SULF2: variants seen among roughly 807,000 people sequenced by gnomAD.
SULF2 encodes the protein sulfatase 2, also known as extracellular sulfatase Sulf-2.
In SULF2, 52 loss-of-function variants were observed where a neutral mutation model predicts 107.7. That is an observed-to-expected ratio of 0.48 (90% confidence interval 0.39 to 0.61). The LOEUF is 0.61. SULF2 is among the 20% of genes least tolerant of loss of function. The pLI is 0.00. For synonymous variants in SULF2, 460 were observed against 464.3 expected, an observed-to-expected ratio of 0.99 and a Z score of 0.12; for missense variants, 993 against 1,177.3, an observed-to-expected ratio of 0.84 and a Z score of 2.29.
chr20:47,691,908 A>T (rs1014296029), intron 4 of SULF2, among the ~76,000 whole-genome samples: 1 of 152,056 alleles, frequency 6.6e-6, no homozygotes, highest in Non-Finnish European at 1.5e-5. Context: ...TTGGTCATGG[A>T]GCAAAAAATG....
At position 47,695,490 on chromosome 20, in the gene SULF2, T is replaced by C. The variant is rs150081775; in HGVS notation, c.568-5195A>G. On this transcript the variant is annotated intron_variant, in intron 4 of 20. Transcript: ENST00000688720. Reference sequence around the variant, plus strand: ...ACCACCATTCTCCTTTTTGCTGCTATTGTCTGACTAATTTAGATGCCTCAT... The same window carrying C: ...ACCACCATTCTCCTTTTTGCTGCTACTGTCTGACTAATTTAGATGCCTCAT... 5.6e-3 allele frequency among the ~76,000 whole-genome samples: 850 copies of C among 152,326 alleles called. 2 individuals carry two copies. Among genetic ancestry groups the C allele is most frequent in the Non-Finnish European group, 8.7e-3 (593 of 68,028 alleles).
chr20:47,748,701 G>GAA (rs770626495), intron 2 of SULF2, among the ~76,000 whole-genome samples: 1 of 152,110 alleles, frequency 6.6e-6, no homozygotes, highest in Non-Finnish European at 1.5e-5. Flanking sequence ...GGAGATCGGA[G>GAA]AAAGAAGAGA....
rs753997475 is a variant in SULF2, at chr20:47,672,225, C to T, written c.1549G>A (p.Gly517Arg). The T allele has an allele frequency of 6.3e-5, 101 of 1,609,890 alleles. No homozygotes were observed. Among genetic ancestry groups the T allele is most frequent in the East Asian group, 2.5e-4 (11 of 44,794 alleles). ...TTCTTGAAGAGTTTTTTCCGGCGTC[C>T]GGCCAGGCTGAGCTTGTAGTCCCCG... ...DSGDYKLSLA[G>R]RRKKLFKKKY... Residue 517 changes from glycine to arginine, a missense_variant, in exon 11 of 21, where the codon GGA becomes AGA. By Grantham distance (125) the Gly-to-Arg change is moderately radical. Around this residue, in one of 3 missense-constraint regions of SULF2, gnomAD observed 497 missense variants for 544.1 expected, o/e 0.91. Transcript: ENST00000688720.
chr20:47,752,823 C>G (rs1332543562), intron 2 of SULF2, among the ~76,000 whole-genome samples: 1 of 151,706 alleles, frequency 6.6e-6, no homozygotes, highest in Non-Finnish European at 1.5e-5. Flanking sequence ...AACATCAGGC[C>G]AGGTGTGGTG....
chr20:47,658,715 C>T (rs1454168525), intron 20 of SULF2, among the ~76,000 whole-genome samples: 1 of 152,182 alleles, frequency 6.6e-6, no homozygotes, highest in Non-Finnish European at 1.5e-5. Context: ...ATTAAAGCCA[C>T]ACAGGTTTAT....
intron 1 of SULF2, among the ~76,000 whole-genome samples, chr20:47,770,250 G>A (rs2090605456): frequency 6.6e-6 from 1 of 151,730 alleles, no homozygotes; most frequent in Admixed American, 6.6e-5. Context: ...TGGTAGAGAT[G>A]AGGTCTTGCT....
intron 3 of SULF2, among the ~76,000 whole-genome samples, chr20:47,730,332 G>T (rs946278671): frequency 6.6e-6 from 1 of 152,206 alleles, no homozygotes; most frequent in Non-Finnish European, 1.5e-5. Context: ...GCTGGGGCTG[G>T]GAAACAACTT....
chr20:47,663,066 G>A lies in SULF2; in HGVS notation c.2370+4C>T. ...CCCATCCCTCTAGCTCGGGTTGCCT[G>A]TACCTGGTAGGGGTCTGTGTTGAGA... On this transcript the variant is annotated splice_donor_region_variant and intron_variant, in intron 17 of 20. Coordinates refer to ENST00000688720, the MANE Select transcript of SULF2 (RefSeq NM_001387048.1). The A allele has an allele frequency of 6.2e-7, 1 of 1,614,126 alleles. No individual in the cohort carries two copies. The highest frequency in any genetic ancestry group is 8.5e-7 in the Non-Finnish European group (1 of 1,180,000).
chr20:47,770,613 T>C (rs2090612077), intron 1 of SULF2, among the ~76,000 whole-genome samples: 1 of 152,202 alleles, frequency 6.6e-6, no homozygotes, highest in Non-Finnish European at 1.5e-5. Flanking sequence ...TTAAAATCTT[T>C]CTTTTATTCT....
intron 10 of SULF2, among the ~76,000 whole-genome samples, chr20:47,674,387 G>A (rs2087572930): frequency 6.6e-6 from 1 of 152,232 alleles, no homozygotes; most frequent in South Asian, 2.1e-4. Flanking sequence ...TTGAAGCTGT[G>A]AGGCTGTGGG....
At chr20:47,734,650 C>T (rs1319457010) in intron 3 of SULF2, among the ~76,000 whole-genome samples, 1 of 152,168 alleles carries the variant, frequency 6.6e-6, no homozygotes, top group Non-Finnish European at 1.5e-5. Flanking sequence ...TCAGACTAAA[C>T]AGGTGTTTTC....
In SULF2 at chr20:47,785,356, C is replaced by T. The variant is rs1186584010; in HGVS notation, c.-114G>A. 1 of 146,554 alleles carries T rather than the reference C, an allele frequency of 6.8e-6. No homozygotes were observed. The highest frequency in any genetic ancestry group is 1.5e-5 in the Non-Finnish European group (1 of 65,582). 9.1% of individuals were successfully genotyped at this position (146,554 alleles called of 1,614,324 possible). Reference sequence around the variant, plus strand: ...CGCCCCACTCACCAGCGCGCACGGCCCCGGCAACCTCACCCGGAGCGGGGC... The same window carrying T: ...CGCCCCACTCACCAGCGCGCACGGCTCCGGCAACCTCACCCGGAGCGGGGC... On this transcript the variant is annotated 5_prime_UTR_variant, in exon 1 of 21. Coordinates refer to ENST00000688720, the MANE Select transcript of SULF2 (RefSeq NM_001387048.1).
chr20:47,771,912 A>G (rs2090637745), intron 1 of SULF2, among the ~76,000 whole-genome samples: 1 of 152,112 alleles, frequency 6.6e-6, no homozygotes, highest in Non-Finnish European at 1.5e-5. Context: ...AGAGTTTTTT[A>G]CAGGCAGCTC....
chr20:47,701,732 C>T (rs533621942), intron 4 of SULF2, among the ~76,000 whole-genome samples: 5 of 152,324 alleles, frequency 3.3e-5, no homozygotes, highest in Non-Finnish European at 7.3e-5. Context: ...TGATGGAATG[C>T]TGGGCAGCAA....
chr20:47,671,712 T>G (rs879935551), intron 11 of SULF2, among the ~76,000 whole-genome samples: 1 of 152,106 alleles, frequency 6.6e-6, no homozygotes, highest in Non-Finnish European at 1.5e-5. Flanking sequence ...GAACCTTGTA[T>G]GTGTGTTTCT....
intron 1 of SULF2, among the ~76,000 whole-genome samples, chr20:47,777,092 GGAGA>G (rs2090738624): frequency 6.6e-6 from 1 of 152,190 alleles, no homozygotes; most frequent in Admixed American, 6.5e-5. Flanking sequence ...TTTTTAGTGA[GGAGA>G]GAGAAGACAA....
intron 11 of SULF2, among the ~76,000 whole-genome samples, chr20:47,671,902 G>C (rs2087484992): frequency 6.6e-6 from 1 of 151,978 alleles, no homozygotes; most frequent in African/African-American, 2.4e-5. Context: ...TTTAGACGGG[G>C]TTTTACCATG....
At chr20:47,778,211 G>C (rs1385952354) in intron 1 of SULF2, among the ~76,000 whole-genome samples, 1 of 152,168 alleles carries the variant, frequency 6.6e-6, no homozygotes, top group Non-Finnish European at 1.5e-5. Flanking sequence ...CTGACCATGA[G>C]CCAATAAGAA....
intron 3 of SULF2, among the ~76,000 whole-genome samples, chr20:47,730,660 G>T (rs2089572674): frequency 6.6e-6 from 1 of 152,166 alleles, no homozygotes; most frequent in Non-Finnish European, 1.5e-5. Context: ...ATGTTGGCCA[G>T]GCTAGTCTCA....
Sources: allele counts gnomAD v4.1 joint callset (sites outside exome capture counted in the v4.1 genomes callset), GRCh38; gene constraint gnomAD v4.1.1; regional missense constraint gnomAD v4.1.1; transcripts MANE v1.5; gene names NCBI Gene and HGNC (gene_info 2026-07-23, HGNC 2026-07-21).